Variants in ATAD2B observed in about 807,000 individuals in gnomAD.
The protein encoded by ATAD2B is ATPase family AAA domain-containing protein 2B.
Under a neutral mutation model 167.6 loss-of-function variants are expected in ATAD2B, and 40 were observed. The observed-to-expected ratio is 0.24, with a 90% confidence interval of 0.19 to 0.31. The LOEUF is 0.31. Ranked by LOEUF, ATAD2B falls within the 10% of genes least tolerant of loss-of-function variation. ATAD2B has a pLI of 1.00. For synonymous variants in ATAD2B, 579 were observed against 596.5 expected (o/e 0.97, Z 0.43); for missense variants, 1,242 against 1,757.2 (o/e 0.71, Z 5.24).
chr2:23,704,577 G>A, the ATAD2B span, among the ~76,000 whole-genome samples: 1 of 152,176 alleles, frequency 6.6e-6, no homozygotes, highest in Non-Finnish European at 1.5e-5. Flanking sequence ...GACCAGCTTG[G>A]CCAACATGGT....
intron 1 of ATAD2B, among the ~76,000 whole-genome samples, chr2:23,921,631 G>C (rs879932387): frequency 1.3e-5 from 2 of 152,142 alleles, no homozygotes; most frequent in Non-Finnish European, 2.9e-5. Flanking sequence ...AACAGAATGC[G>C]TGTATATCTG....
intron 17 of ATAD2B, among the ~76,000 whole-genome samples, chr2:23,815,993 C>A (rs936244960): frequency 2.0e-5 from 3 of 152,052 alleles, no homozygotes; most frequent in Admixed American, 6.5e-5. Context: ...ACTGACCTAC[C>A]CCAACTACCC....
In ATAD2B at chr2:23,762,256, T is replaced by C; in HGVS notation, c.3347A>G (p.Gln1116Arg). The C allele has an allele frequency of 1.2e-6, 2 of 1,613,702 alleles. No homozygotes were observed. Residue 1116 changes from glutamine (Q) to arginine (R), a missense_variant, in exon 24 of 28, where the codon CAA becomes CGA. This residue lies in a region of ATAD2B where 204 missense variants were observed against 324.0 expected (regional missense o/e 0.63). Coordinates refer to ENST00000238789, the MANE Select transcript of ATAD2B (RefSeq NM_017552.4). ...GTGCCACACATCCATTGGATTTCTT[T>C]GTTTGTGCCGAAATGCCTCTTCGAC... The part of the protein sequence containing the change: ...TRVEEAFRHK[Q>R]RNPMDVWHNS...
chr2:23,818,295 G>GGA (rs10559796), intron 17 of ATAD2B, among the ~76,000 whole-genome samples: 17 of 121,560 alleles, frequency 1.4e-4, no homozygotes, highest in East Asian at 4.8e-4. Flanking sequence ...GAGGGAGGGG[G>GGA]GAGAGAGAGA....
chr2:23,829,821 ACAAGGTATTT>A (rs1157559228), intron 14 of ATAD2B, among the ~76,000 whole-genome samples: 1 of 152,220 alleles, frequency 6.6e-6, no homozygotes, highest in Non-Finnish European at 1.5e-5. Context: ...GGCATTTAAT[ACAAGGTATTT>A]CAATAAATAT....
In ATAD2B at chr2:23,769,061, G is replaced by A. The variant is rs186256179; in HGVS notation, c.3134-3433C>T. 3.7e-4 allele frequency among the ~76,000 whole-genome samples: 57 copies of A among 152,278 alleles called. 1 individual carries two copies. Among genetic ancestry groups the A allele is most frequent in the South Asian group, 3.5e-3 (17 of 4,824 alleles). On this transcript the variant is annotated intron_variant, in intron 22 of 27. Transcript: ENST00000238789. ...AATGGCTAGGTCAAATGATAGGTAC[G>A]GTTCTTCAGCAACCGCAGGGGATTG... is the stretch of plus-strand genomic sequence containing the variant.
intron 18 of ATAD2B, among the ~76,000 whole-genome samples, chr2:23,798,827 T>C (rs1232205741): frequency 6.6e-6 from 1 of 152,210 alleles, no homozygotes; most frequent in Non-Finnish European, 1.5e-5. Context: ...ATTAATGAAC[T>C]ACTTGCTGAA....
chr2:23,734,397 T>C, the ATAD2B span, among the ~76,000 whole-genome samples: 2 of 152,114 alleles, frequency 1.3e-5, no homozygotes, highest in Non-Finnish European at 2.9e-5. Context: ...TGACCTCAAG[T>C]GATCTGCCCA....
chr2:23,917,691 C>G (rs1703247930), intron 1 of ATAD2B, among the ~76,000 whole-genome samples: 3 of 152,004 alleles, frequency 2.0e-5, no homozygotes, highest in Admixed American at 2.0e-4. Flanking sequence ...ACTCGGCAGG[C>G]TGAGTCAGGA....
intron 16 of ATAD2B, 101 bp downstream of exon 16, chr2:23,823,157 A>G (rs1687725249): frequency 9.6e-7 from 1 of 1,042,052 alleles, no homozygotes; most frequent in South Asian, 1.7e-5. Context: ...ATAAACAGAT[A>G]TATTACAAAA....
In ATAD2B at chr2:23,807,828, A is replaced by AAT. The variant is rs1382797971; in HGVS notation, c.2454+2486_2454+2487dup. ...GTGACTCCATCTTAAAAAAAAAAAA[A>AAT]ATATATATATATATATAATAAAATA... On this transcript the variant is annotated intron_variant, in intron 18 of 27. Coordinates refer to ENST00000238789, the MANE Select transcript of ATAD2B (RefSeq NM_017552.4). Among the ~76,000 whole-genome samples the AAT allele has an allele frequency of 9.3e-4, 111 of 119,004 alleles. 2 individuals are homozygous for AAT. Among genetic ancestry groups the AAT allele is most frequent in the African/African-American group, 3.0e-3 (88 of 29,424 alleles). 78.1% of individuals were successfully genotyped at this position (119,004 alleles called of 152,430 possible).
chr2:23,861,706 G>A (rs975350901), intron 12 of ATAD2B, among the ~76,000 whole-genome samples: 1 of 152,054 alleles, frequency 6.6e-6, no homozygotes, highest in African/African-American at 2.4e-5. Flanking sequence ...TTAAATCATT[G>A]AATAATATGC....
intron 22 of ATAD2B, among the ~76,000 whole-genome samples, chr2:23,772,564 T>C (rs1678491660): frequency 6.6e-6 from 1 of 152,154 alleles, no homozygotes; most frequent in Non-Finnish European, 1.5e-5. Context: ...CAATGATTGG[T>C]CTTTCTGCTT....
Position 23,754,979 on chromosome 2 carries a change from T to G in ATAD2B, c.4079-205A>C, listed in dbSNP as rs2149301252. Reference sequence around the variant, plus strand: ...TAACCCAAATTAAAGAAAACTAAACTACAACTTAAAAAGCCAAGTCATACT... The same window carrying G: ...TAACCCAAATTAAAGAAAACTAAACGACAACTTAAAAAGCCAAGTCATACT... On this transcript the variant is annotated intron_variant, in intron 25 of 27. Coordinates refer to ENST00000238789, the MANE Select transcript of ATAD2B (RefSeq NM_017552.4). 6.7e-6 allele frequency: 3 copies of G among 450,736 alleles called. No individual in the cohort carries two copies. In the South Asian group the frequency reaches 1.1e-4, roughly 16 times the overall value. 27.9% of individuals were successfully genotyped at this position (450,736 alleles called of 1,614,324 possible). A position where few individuals can be genotyped will look rare whatever the true frequency, so the allele number is the denominator to read the frequency against.
intron 25 of ATAD2B, among the ~76,000 whole-genome samples, chr2:23,756,639 A>G (rs942394983): frequency 6.6e-6 from 1 of 152,170 alleles, no homozygotes; most frequent in African/African-American, 2.4e-5. Flanking sequence ...TAAATGAATC[A>G]TGTAGCCATA....
chr2:23,714,798 T>C, the ATAD2B span, among the ~76,000 whole-genome samples: 8 of 151,346 alleles, frequency 5.3e-5, no homozygotes, highest in Admixed American at 4.6e-4. Flanking sequence ...GAGGCTGCAG[T>C]GAGCCAAGAT....
intron 13 of ATAD2B, among the ~76,000 whole-genome samples, chr2:23,855,367 T>G: frequency 1.3e-5 from 2 of 152,328 alleles, no homozygotes; most frequent in South Asian, 4.1e-4. Context: ...TAATATTATT[T>G]GTATTACTAT....
intron 13 of ATAD2B, among the ~76,000 whole-genome samples, chr2:23,843,582 G>A (rs921359850): frequency 6.6e-6 from 1 of 152,214 alleles, no homozygotes; most frequent in South Asian, 2.1e-4. Context: ...AGATTCCAGG[G>A]AGACCAAGAC....
At chr2:23,739,697 G>A in the ATAD2B span, among the ~76,000 whole-genome samples, 1 of 152,194 alleles carries the variant, frequency 6.6e-6, no homozygotes, top group Non-Finnish European at 1.5e-5. Context: ...AAATAACTAA[G>A]ATCAGAGCAT....
Sources: allele counts gnomAD v4.1 joint callset (sites outside exome capture counted in the v4.1 genomes callset), GRCh38; gene constraint gnomAD v4.1.1; regional missense constraint gnomAD v4.1.1; transcripts MANE v1.5; gene names NCBI Gene and HGNC (gene_info 2026-07-23, HGNC 2026-07-21).